The following MPP3 variants were observed in gnomAD, a reference collection of about 807,000 sequenced individuals.
The protein encoded by MPP3 is MAGUK p55 subfamily member 3.
MPP3 carries 48 observed loss-of-function variants against 80.7 expected under a neutral mutation model. The ratio of observed to expected loss-of-function variants is 0.59; its 90% CI spans 0.47 to 0.76. MPP3 has a LOEUF of 0.76. MPP3 is among the 30% of genes least tolerant of loss of function. The pLI is 0.00. For synonymous variants in MPP3, 311 were observed against 297.6 expected (o/e 1.04, Z -0.46); for missense variants, 620 against 763.0 (o/e 0.81, Z 2.21).
At chr17:43,814,462 T>G in intron 14 of MPP3, 101 bp from the exon 15 acceptor site, 1 of 1,222,290 alleles carries the variant, frequency 8.2e-7, no homozygotes, top group Non-Finnish European at 1.1e-6. Flanking sequence ...GAGATGGGAC[T>G]GAGTCCCACT....
At chr17:43,817,055 T>C (rs959972842) in intron 12 of MPP3, among the ~76,000 whole-genome samples, 5 of 152,168 alleles carry the variant, frequency 3.3e-5, no homozygotes, top group Non-Finnish European at 7.4e-5. Flanking sequence ...CACTCTCTCT[T>C]TTCTGGGGTT....
chr17:43,821,877 A>G (rs2045478124), intron 10 of MPP3, among the ~76,000 whole-genome samples: 1 of 152,230 alleles, frequency 6.6e-6, no homozygotes, highest in Non-Finnish European at 1.5e-5. Flanking sequence ...CCACTGGACA[A>G]CAGTAAGAAC....
chr17:43,823,334 C>T (rs2045549630), intron 10 of MPP3, among the ~76,000 whole-genome samples: 1 of 152,270 alleles, frequency 6.6e-6, no homozygotes, highest in Non-Finnish European at 1.5e-5. Flanking sequence ...TGCCAGGGAG[C>T]CTCTGTATGG....
At position 43,821,049 on chromosome 17, in the gene MPP3, G is replaced by C. The variant is rs766991416; in HGVS notation, c.694C>G (p.Arg232Gly). 1 of 1,613,664 alleles carries C rather than the reference G, an allele frequency of 6.2e-7. No individual in the cohort carries two copies. The highest frequency in any genetic ancestry group is 8.5e-7 in the Non-Finnish European group (1 of 1,179,924). The stretch of plus-strand genomic sequence containing the variant: ...CGAGGGTTGTAGTGGAAGAGGGCGC[G>C]CATGAACACCTGCACAAGGAGGGCT... ...DRLKESKVFM[R>G]ALFHYNPRED... The change falls in exon 11 of 20, where the codon CGC becomes GGC. Residue 232 changes from arginine to glycine, a missense_variant. By Grantham distance (125) the Arg-to-Gly change is moderately radical (BLOSUM62 -2). Coordinates refer to ENST00000398389, the MANE Select transcript of MPP3 (RefSeq NM_001932.6).
intron 16 of MPP3, among the ~76,000 whole-genome samples, chr17:43,813,341 T>A (rs2044956292): frequency 6.6e-6 from 1 of 152,082 alleles, no homozygotes; most frequent in South Asian, 2.1e-4. Context: ...TAACAATCTC[T>A]CTTCTCAGGG....
At chr17:43,814,144 C>T in intron 15 of MPP3, 53 bp from the exon 16 acceptor site, 1 of 1,605,154 alleles carries the variant, frequency 6.2e-7, no homozygotes, top group Non-Finnish European at 8.5e-7. Flanking sequence ...CCCTCCCCAC[C>T]TGCTCCAGGG....
chr17:43,814,995 G>C (rs1320668652), intron 14 of MPP3, among the ~76,000 whole-genome samples: 1 of 152,198 alleles, frequency 6.6e-6, no homozygotes, highest in African/African-American at 2.4e-5. Context: ...AGAGTTCTTT[G>C]TATAATTCTT....
At position 43,809,039 on chromosome 17, in the gene MPP3, T is replaced by C. The variant is rs763507118; in HGVS notation, c.1498A>G (p.Ile500Val). The C allele has an allele frequency of 6.9e-6, 11 of 1,604,488 alleles. No individual in the cohort carries two copies. Among genetic ancestry groups the C allele is most frequent in the African/African-American group, 1.4e-5 (1 of 74,034 alleles). ...TGAATTGCAGGCTTTACAAATATAA[T>C]ATAGGGTTTAAATTCTGAGGTCCTC... ...QLRTSEFKPY[I>V]IFVKPAIQEK... Residue 500 changes from isoleucine to valine, a missense_variant, in exon 19 of 20, where the codon ATT (isoleucine) becomes GTT (valine). Coordinates refer to ENST00000398389, the MANE Select transcript of MPP3 (RefSeq NM_001932.6).
intron 7 of MPP3, among the ~76,000 whole-genome samples, chr17:43,828,074 G>T (rs776952282): frequency 2.0e-5 from 3 of 152,232 alleles, no homozygotes; most frequent in Non-Finnish European, 4.4e-5. Flanking sequence ...GGGGCTCAGA[G>T]AAGTTAAATA....
chr17:43,830,166 T>G (rs547985753), intron 5 of MPP3, 59 bp from the exon 6 acceptor site: 9 of 1,322,982 alleles, frequency 6.8e-6, no homozygotes, highest in Non-Finnish European at 9.1e-6. Context: ...CCATATCTGC[T>G]GGGTCCTTCC....
At chr17:43,823,638 C>T (rs892194469) in intron 10 of MPP3, among the ~76,000 whole-genome samples, 13 of 152,218 alleles carry the variant, frequency 8.5e-5, no homozygotes, top group Admixed American at 5.2e-4. Flanking sequence ...CAGAATTCAG[C>T]ACACTTGGTA....
At chr17:43,815,801 C>T (rs1238974760) in intron 14 of MPP3, 5 of 676,516 alleles carry the variant, frequency 7.4e-6, no homozygotes, top group East Asian at 5.6e-5. Flanking sequence ...GGTGTGTGTG[C>T]CTTTCCCGCC....
intron 18 of MPP3, among the ~76,000 whole-genome samples, chr17:43,809,826 C>T (rs2044770541): frequency 6.6e-6 from 1 of 152,076 alleles, no homozygotes; most frequent in Non-Finnish European, 1.5e-5. Flanking sequence ...TTGCGGTGAA[C>T]CAAGATCGCA....
intron 12 of MPP3, among the ~76,000 whole-genome samples, chr17:43,817,767 A>G (rs572423794): frequency 1.3e-4 from 20 of 152,298 alleles, no homozygotes; most frequent in Middle Eastern, 3.4e-3. Context: ...TCACACGCAC[A>G]TGCACACGCG....
At chr17:43,821,935 G>A (rs1598353109) in intron 10 of MPP3, among the ~76,000 whole-genome samples, 1 of 152,150 alleles carries the variant, frequency 6.6e-6, no homozygotes, top group Non-Finnish European at 1.5e-5. Context: ...AGCCACAGAT[G>A]TTACCAGGGT....
At chr17:43,825,927 C>T (rs1248215115) in intron 8 of MPP3, 86 bp from the exon 9 acceptor site, 2 of 833,678 alleles carry the variant, frequency 2.4e-6, no homozygotes, top group East Asian at 2.6e-5. Flanking sequence ...AGGGGCCGGC[C>T]TGAGAAGCCC....
Position 43,823,921 on chromosome 17 carries a change from C to T in MPP3, c.684+10G>A. On this transcript the variant is annotated intron_variant, in intron 10 of 19. Transcript: ENST00000398389. Reference sequence around the variant, plus strand: ...CTGAGAGAGGGCACCGCGGACCCACCTCCCCATACCTTGCTCTCCTTTAAG... The same window carrying T: ...CTGAGAGAGGGCACCGCGGACCCACTTCCCCATACCTTGCTCTCCTTTAAG... 1 of 1,605,640 alleles carries T rather than the reference C, an allele frequency of 6.2e-7. No individual in the cohort carries two copies.
At position 43,821,048 on chromosome 17, in the gene MPP3, C is replaced by G; in HGVS notation, c.695G>C (p.Arg232Pro). The G allele has an allele frequency of 6.2e-7, 1 of 1,613,790 alleles. No individual in the cohort carries two copies. Among genetic ancestry groups the G allele is most frequent in the South Asian group, 1.1e-5 (1 of 91,032 alleles). Residue 232 changes from arginine to proline, a missense_variant, in exon 11 of 20, where the codon CGC (arginine) becomes CCC (proline). Coordinates refer to ENST00000398389, the MANE Select transcript of MPP3 (RefSeq NM_001932.6). Reference protein sequence around the residue: ...DRLKESKVFMRALFHYNPRED... With the variant: ...DRLKESKVFMPALFHYNPRED... Reference sequence around the variant, plus strand: ...CCGAGGGTTGTAGTGGAAGAGGGCGCGCATGAACACCTGCACAAGGAGGGC... The same window carrying G: ...CCGAGGGTTGTAGTGGAAGAGGGCGGGCATGAACACCTGCACAAGGAGGGC...
rs1429064667 is a variant in MPP3, at chr17:43,801,113, A to G, written c.*588T>C. 6.5e-6 allele frequency: 1 copy of G among 154,050 alleles called. No homozygotes were observed. The highest frequency in any genetic ancestry group is 6.5e-5 in the Admixed American group (1 of 15,316). 9.5% of individuals were successfully genotyped at this position (154,050 alleles called of 1,614,324 possible). A position where few individuals can be genotyped will look rare whatever the true frequency, so the allele number is the denominator to read the frequency against. The stretch of plus-strand genomic sequence containing the variant: ...CACTGCAGTACAGGATAGTACAGTA[A>G]TTCATGTTGATGGTGAAGTGTGCCT... On this transcript the variant is annotated 3_prime_UTR_variant, in exon 20 of 20. Transcript: ENST00000398389.
Sources: gnomAD v4.1 joint callset for allele counts (sites outside exome capture counted in the v4.1 genomes callset) on GRCh38, gnomAD v4.1.1 for gene constraint, MANE v1.5 for transcripts, NCBI Gene and HGNC (gene_info 2026-07-23, HGNC 2026-07-21) for gene names.